The following ST3GAL3 variants were observed in gnomAD, a reference collection of about 807,000 sequenced individuals.
ST3GAL3 encodes CMP-N-acetylneuraminate-beta-1,4-galactoside alpha-2,3-sialyltransferase.
In ST3GAL3, 21 loss-of-function variants were observed where a neutral mutation model predicts 50.1. The ratio of observed to expected loss-of-function variants is 0.42; its 90% CI spans 0.30 to 0.60. The LOEUF is 0.60. Among genes scored for constraint, ST3GAL3 ranks in the 20% least tolerant of loss-of-function variants. The probability of loss-of-function intolerance (pLI) is 0.19; values close to 1 mark genes in which losing one functional copy is unlikely to be tolerated. For synonymous variants in ST3GAL3, 183 were observed against 190.0 expected, an observed-to-expected ratio of 0.96 and a Z score of 0.30; for missense variants, 353 against 489.4, an observed-to-expected ratio of 0.72 and a Z score of 2.63.
intron 2 of ST3GAL3, among the ~76,000 whole-genome samples, chr1:43,775,095 G>A (rs1696678271): frequency 6.6e-6 from 1 of 152,170 alleles, no homozygotes. Context: ...CCTAGTGTAA[G>A]AGCGAGAACC....
chr1:43,855,247 C>T (rs3094954), intron 5 of ST3GAL3, among the ~76,000 whole-genome samples: 84,925 of 152,102 alleles, frequency 0.56, 27,630 homozygotes, highest in Non-Finnish European at 0.74. Context: ...TTCATTTAGC[C>T]TTTACAATGG....
chr1:43,707,732 G>C (rs962622195), intron 1 of ST3GAL3, 39 bp downstream of exon 1: 2 of 151,852 alleles, frequency 1.3e-5, no homozygotes, highest in Non-Finnish European at 2.9e-5. Flanking sequence ...CGCGATGGCT[G>C]ACCGCGAATA....
chr1:43,916,991 G>A (rs2081924851), intron 9 of ST3GAL3: 1 of 151,854 alleles, frequency 6.6e-6, no homozygotes, highest in Non-Finnish European at 1.5e-5. Flanking sequence ...TTTTCACTTT[G>A]TAAGTAATAC....
At chr1:43,845,109 G>A (rs1025891231) in intron 5 of ST3GAL3, among the ~76,000 whole-genome samples, 4 of 151,892 alleles carry the variant, frequency 2.6e-5, no homozygotes, top group African/African-American at 7.3e-5. Flanking sequence ...TCAGCCTCCC[G>A]AGTAGCTGGA....
chr1:43,782,331 G>A (rs1699631019), intron 2 of ST3GAL3, among the ~76,000 whole-genome samples: 1 of 152,144 alleles, frequency 6.6e-6, no homozygotes, highest in Non-Finnish European at 1.5e-5. Context: ...CTCATTGTCT[G>A]TCACCTGGCT....
chr1:43,778,543 AT>A (rs780105051), intron 2 of ST3GAL3, among the ~76,000 whole-genome samples: 5 of 152,114 alleles, frequency 3.3e-5, no homozygotes, highest in Admixed American at 6.5e-5. Flanking sequence ...TTTCAATCAT[AT>A]TTAGACAAAG....
intron 3 of ST3GAL3, among the ~76,000 whole-genome samples, chr1:43,805,496 G>T (rs2059767298): frequency 6.6e-6 from 1 of 152,206 alleles, no homozygotes; most frequent in African/African-American, 2.4e-5. Context: ...CAGATAAGGT[G>T]CATTTAGGCT....
chr1:43,767,264 A>G (rs1455743161), intron 2 of ST3GAL3, among the ~76,000 whole-genome samples: 3 of 152,148 alleles, frequency 2.0e-5, no homozygotes, highest in African/African-American at 7.2e-5. Flanking sequence ...AGGGAAGATT[A>G]TGGATAGAGG....
chr1:43,820,362 C>A, intron 4 of ST3GAL3, among the ~76,000 whole-genome samples: 1 of 152,078 alleles, frequency 6.6e-6, no homozygotes, highest in East Asian at 1.9e-4. Context: ...AACAGAAAAC[C>A]TAGGACATAC....
intron 5 of ST3GAL3, among the ~76,000 whole-genome samples, chr1:43,862,745 CAAAAAAAA>C (rs749080973): frequency 2.9e-5 from 3 of 104,414 alleles, no homozygotes; most frequent in African/African-American, 6.6e-5. Context: ...CTGTCTCTAC[CAAAAAAAA>C]AAAAAAAAAA....
intron 1 of ST3GAL3, among the ~76,000 whole-genome samples, chr1:43,721,083 C>T (rs1558001759): frequency 6.6e-6 from 1 of 151,662 alleles, no homozygotes; most frequent in East Asian, 1.9e-4. Context: ...CTTGTCTCTA[C>T]AAAAGTAAAA....
At chr1:43,909,293 G>A (rs570921308) in intron 9 of ST3GAL3, among the ~76,000 whole-genome samples, 1 of 152,216 alleles carries the variant, frequency 6.6e-6, no homozygotes, top group Admixed American at 6.5e-5. Flanking sequence ...TTTCTTTTAG[G>A]TTCAGACCCT....
At chr1:43,744,242 T>C (rs1045772335) in intron 2 of ST3GAL3, among the ~76,000 whole-genome samples, 17 of 152,146 alleles carry the variant, frequency 1.1e-4, no homozygotes, top group African/African-American at 3.6e-4. Context: ...AGTTTTTCCT[T>C]CAAATCAAGC....
chr1:43,725,163 A>G (rs1672314097), intron 1 of ST3GAL3, among the ~76,000 whole-genome samples: 1 of 152,206 alleles, frequency 6.6e-6, no homozygotes, highest in Non-Finnish European at 1.5e-5. Flanking sequence ...TAGAGGGAGC[A>G]TCTGCAACTC....
intron 1 of ST3GAL3, among the ~76,000 whole-genome samples, chr1:43,726,429 G>A (rs1672951393): frequency 6.6e-6 from 1 of 152,078 alleles, no homozygotes; most frequent in South Asian, 2.1e-4. Flanking sequence ...TGGGACTACA[G>A]GCACATGCCA....
rs75146363 is a variant in ST3GAL3, at chr1:43,804,702, A to G, written c.167-10189A>G. Among the ~76,000 whole-genome samples, 584 of 152,338 alleles carry G rather than the reference A, an allele frequency of 3.8e-3. 4 individuals are homozygous for G. The highest frequency in any genetic ancestry group is 0.013 in the African/African-American group (556 of 41,572). On this transcript the variant is annotated intron_variant, in intron 3 of 11. Transcript: ENST00000347631. ...TGTGGCAGACAGTTAGTTGCGCCTA[A>G]GAAGAGCCAGAGGAGGCTCGCTGTG...
At chr1:43,877,512 GGTTT>G (rs1219209510) in intron 5 of ST3GAL3, among the ~76,000 whole-genome samples, 5 of 152,142 alleles carry the variant, frequency 3.3e-5, no homozygotes, top group African/African-American at 1.2e-4. Context: ...AGATGGAATA[GGTTT>G]AGGGGAAGAT....
chr1:43,759,682 G>T (rs946310998), intron 2 of ST3GAL3, among the ~76,000 whole-genome samples: 2 of 152,172 alleles, frequency 1.3e-5, no homozygotes, highest in African/African-American at 4.8e-5. Flanking sequence ...CAAAGCGATG[G>T]CAGGTAAAGC....
chr1:43,755,842 G>A (rs1687837297), intron 2 of ST3GAL3, among the ~76,000 whole-genome samples: 1 of 151,994 alleles, frequency 6.6e-6, no homozygotes, highest in African/African-American at 2.4e-5. Context: ...CAAGCACATT[G>A]GCTCCTAGTG....
Sources: gnomAD v4.1 joint callset for allele counts (sites outside exome capture counted in the v4.1 genomes callset) on GRCh38, gnomAD v4.1.1 for gene constraint, MANE v1.5 for transcripts, NCBI Gene and HGNC (gene_info 2026-07-23, HGNC 2026-07-21) for gene names.